TANC2: variants seen among roughly 807,000 people sequenced by gnomAD.
TANC2 encodes protein TANC2.
In TANC2, 26 loss-of-function variants were observed where a neutral mutation model predicts 210.5. The ratio of observed to expected loss-of-function variants is 0.12; its 90% CI spans 0.09 to 0.17. The LOEUF (loss-of-function observed/expected upper bound fraction) is 0.17, where lower values mean the gene tolerates loss of function less well. TANC2 is among the 10% of genes least tolerant of loss of function. The pLI is 1.00. For synonymous variants in TANC2, 931 were observed against 967.1 expected (o/e 0.96, Z 0.69); for missense variants, 2,129 against 2,608.9 (o/e 0.82, Z 4.01).
At position 63,096,780 on chromosome 17, in the gene TANC2, C is replaced by T. The variant is rs1037611592; in HGVS notation, c.140-2395C>T. On this transcript the variant is annotated intron_variant, in intron 3 of 27. Transcript: ENST00000689528. ...GGGTATATACAAAGGAGTGAAATGG[C>T]TAAGTTATATGGTAATTCTGTGTTT... is the stretch of plus-strand genomic sequence containing the variant. Among the ~76,000 whole-genome samples, 6 of 152,230 alleles carry T rather than the reference C, an allele frequency of 3.9e-5. No homozygotes were observed. In the South Asian group the frequency reaches 6.2e-4, roughly 16 times the overall value.
chr17:63,211,762 G>A (rs956503901), intron 7 of TANC2, among the ~76,000 whole-genome samples: 3 of 152,042 alleles, frequency 2.0e-5, no homozygotes, highest in African/African-American at 4.8e-5. Flanking sequence ...GTAGCATTTA[G>A]TCCAGTGACT....
At chr17:63,209,348 C>A (rs1032738795) in intron 7 of TANC2, among the ~76,000 whole-genome samples, 1 of 150,826 alleles carries the variant, frequency 6.6e-6, no homozygotes, top group Non-Finnish European at 1.5e-5. Context: ...CCAGCTAATT[C>A]TCTGGCACAT....
intron 15 of TANC2, among the ~76,000 whole-genome samples, chr17:63,384,129 G>A (rs1044732170): frequency 6.6e-6 from 1 of 151,938 alleles, no homozygotes; most frequent in Non-Finnish European, 1.5e-5. Context: ...GAGTATAGTG[G>A]CACAATCACA....
chr17:63,009,000 G>T (rs1389858654), intron 1 of TANC2, among the ~76,000 whole-genome samples: 2 of 151,986 alleles, frequency 1.3e-5, no homozygotes, highest in African/African-American at 4.8e-5. Context: ...ATTTCTTAGG[G>T]TGGTCAAAAG....
intron 9 of TANC2, among the ~76,000 whole-genome samples, chr17:63,272,882 G>A (rs1296612585): frequency 6.6e-6 from 1 of 152,082 alleles, no homozygotes; most frequent in African/African-American, 2.4e-5. Flanking sequence ...CATTTGAGGT[G>A]ACAAGCCATG....
At chr17:63,387,448 C>T (rs553131772) in intron 15 of TANC2, among the ~76,000 whole-genome samples, 1 of 152,296 alleles carries the variant, frequency 6.6e-6, no homozygotes, top group South Asian at 2.1e-4. Context: ...TGACACATTC[C>T]TCCTTTGTAG....
intron 2 of TANC2, 23 bp downstream of exon 2, chr17:63,009,649 T>C (rs1346142501): frequency 6.2e-7 from 1 of 1,602,076 alleles, no homozygotes; most frequent in Non-Finnish European, 8.5e-7. Flanking sequence ...GCTACATTTA[T>C]TGTGCGTGAT....
chr17:63,401,300 C>T (rs1003517501), intron 19 of TANC2, among the ~76,000 whole-genome samples: 12 of 152,160 alleles, frequency 7.9e-5, no homozygotes, highest in African/African-American at 2.9e-4. Context: ...AAGGAAAATA[C>T]AATGGTCGTG....
At chr17:63,297,509 C>T (rs1216074733) in intron 9 of TANC2, among the ~76,000 whole-genome samples, 1 of 152,008 alleles carries the variant, frequency 6.6e-6, no homozygotes. Context: ...TATCTACCTG[C>T]AAAAGAATGA....
At chr17:63,287,119 GAC>G (rs2044247490) in intron 9 of TANC2, among the ~76,000 whole-genome samples, 1 of 152,198 alleles carries the variant, frequency 6.6e-6, no homozygotes, top group South Asian at 2.1e-4. Flanking sequence ...TTTTAGTAGA[GAC>G]AGGGTTTTGC....
intron 4 of TANC2, among the ~76,000 whole-genome samples, chr17:63,145,326 C>G (rs1364777055): frequency 6.6e-6 from 1 of 152,096 alleles, no homozygotes; most frequent in Non-Finnish European, 1.5e-5. Flanking sequence ...TTTCCCACTC[C>G]CACTACAGAA....
chr17:63,146,929 T>G (rs1050721483), intron 4 of TANC2, among the ~76,000 whole-genome samples: 3 of 152,132 alleles, frequency 2.0e-5, no homozygotes, highest in African/African-American at 7.2e-5. Flanking sequence ...TTCTTCAAAA[T>G]AGACCCCATA....
rs917215538 is a variant in TANC2, at chr17:63,151,401, T to C, written c.433+21T>C. 2.4e-5 allele frequency: 23 copies of C among 973,068 alleles called. No individual in the cohort carries two copies. In the African/African-American group the frequency reaches 3.7e-4, roughly 16 times the overall value. 60.3% of individuals were successfully genotyped at this position (973,068 alleles called of 1,614,324 possible). ...CCCTGGTAAGCATGCATGCAAAGTG[T>C]CTGCTTTGAAAGAGGGAGGATTGGA... On this transcript the variant is annotated intron_variant, in intron 5 of 27. Transcript: ENST00000689528.
intron 14 of TANC2, among the ~76,000 whole-genome samples, chr17:63,360,802 C>T (rs2046935205): frequency 2.0e-5 from 3 of 152,160 alleles, no homozygotes; most frequent in Admixed American, 2.0e-4. Context: ...GTCCTGACTA[C>T]CCTTCCTAGC....
intron 17 of TANC2, among the ~76,000 whole-genome samples, chr17:63,394,643 C>A (rs1227344633): frequency 6.6e-6 from 1 of 152,188 alleles, no homozygotes; most frequent in Non-Finnish European, 1.5e-5. Flanking sequence ...CCTACTCTTA[C>A]AAAAAGTAGA....
intron 18 of TANC2, among the ~76,000 whole-genome samples, chr17:63,397,962 A>G (rs1250651135): frequency 6.6e-6 from 1 of 152,212 alleles, no homozygotes; most frequent in African/African-American, 2.4e-5. Flanking sequence ...TTGAGCTGAC[A>G]TGTCACCAAG....
chr17:63,424,941 C>T (rs2049109116), exon 28 of TANC2: 6 of 152,114 alleles, frequency 3.9e-5, no homozygotes, highest in African/African-American at 2.4e-5. Context: ...TTTTAAAGTG[C>T]TTTTCCAGCA....
intron 5 of TANC2, among the ~76,000 whole-genome samples, chr17:63,171,420 A>G (rs563943171): frequency 6.6e-6 from 1 of 152,254 alleles, no homozygotes; most frequent in South Asian, 2.1e-4. Flanking sequence ...TATGCTCAGC[A>G]TTATTATTTT....
intron 9 of TANC2, among the ~76,000 whole-genome samples, chr17:63,289,948 C>G (rs564324988): frequency 6.6e-6 from 1 of 152,052 alleles, no homozygotes; most frequent in Non-Finnish European, 1.5e-5. Context: ...TTCCTTCCCC[C>G]CCTTCAGTGG....
Sources: allele counts gnomAD v4.1 joint callset (sites outside exome capture counted in the v4.1 genomes callset), GRCh38; gene constraint gnomAD v4.1.1; transcripts MANE v1.5; gene names NCBI Gene and HGNC (gene_info 2026-07-23, HGNC 2026-07-21).